The following SLIT2 variants were observed in gnomAD, a reference collection of about 807,000 sequenced individuals.
SLIT2 encodes slit homolog 2 protein.
SLIT2 carries 41 observed loss-of-function variants against 185.7 expected under a neutral mutation model. The observed-to-expected ratio is 0.22, with a 90% confidence interval of 0.17 to 0.29. The LOEUF (loss-of-function observed/expected upper bound fraction) is 0.29, where lower values mean the gene tolerates loss of function less well. Among genes scored for constraint, SLIT2 ranks in the 10% least tolerant of loss-of-function variants. The pLI is 1.00. For missense variants in SLIT2, 1,571 were observed against 1,909.0 expected (o/e 0.82, Z 3.30); for synonymous variants, 693 against 680.2 (o/e 1.02, Z -0.29).
chr4:20,479,338 C>G (rs1560461461), intron 5 of SLIT2, among the ~76,000 whole-genome samples: 1 of 152,122 alleles, frequency 6.6e-6, no homozygotes, highest in Non-Finnish European at 1.5e-5. Context: ...GTGGGAGAAA[C>G]AGCTATTTTA....
At chr4:20,539,074 C>A (rs1722572429) in intron 18 of SLIT2, among the ~76,000 whole-genome samples, 1 of 152,212 alleles carries the variant, frequency 6.6e-6, no homozygotes, top group East Asian at 1.9e-4. Context: ...TGTAATACTA[C>A]CCTGAATACA....
chr4:20,419,054 G>A (rs772245061), intron 4 of SLIT2, among the ~76,000 whole-genome samples: 3 of 152,056 alleles, frequency 2.0e-5, no homozygotes, highest in South Asian at 2.1e-4. Context: ...CCAGTAGATG[G>A]CACCATTGTG....
At chr4:20,432,783 A>T (rs1729089742) in intron 4 of SLIT2, among the ~76,000 whole-genome samples, 1 of 152,200 alleles carries the variant, frequency 6.6e-6, no homozygotes, top group South Asian at 2.1e-4. Flanking sequence ...TCTTGAATAG[A>T]TTCATTACTT....
intron 31 of SLIT2, 98 bp from the exon 32 acceptor site, chr4:20,596,317 C>A: frequency 8.8e-7 from 1 of 1,130,724 alleles, no homozygotes; most frequent in Non-Finnish European, 1.3e-6. Flanking sequence ...CAAGGAAGTG[C>A]ACATATATAA....
At chr4:20,305,558 C>G (rs1404347235) in intron 4 of SLIT2, among the ~76,000 whole-genome samples, 1 of 152,058 alleles carries the variant, frequency 6.6e-6, no homozygotes, top group Non-Finnish European at 1.5e-5. Flanking sequence ...TTAGTTATTA[C>G]TTCCTTGTAA....
chr4:20,482,644 C>T (rs538962091), intron 6 of SLIT2, among the ~76,000 whole-genome samples: 1 of 151,902 alleles, frequency 6.6e-6, no homozygotes, highest in African/African-American at 2.4e-5. Flanking sequence ...AAATAGAAAT[C>T]CAAAATCTTG....
chr4:20,573,667 T>C (rs544655561), intron 29 of SLIT2, among the ~76,000 whole-genome samples: 3 of 152,266 alleles, frequency 2.0e-5, no homozygotes, highest in South Asian at 2.1e-4. Flanking sequence ...TAGAAAAATT[T>C]TTAAGTAAGA....
At chr4:20,271,967 TAGCGGCCAA>T (rs1016617719) in intron 4 of SLIT2, among the ~76,000 whole-genome samples, 1 of 152,142 alleles carries the variant, frequency 6.6e-6, no homozygotes, top group Non-Finnish European at 1.5e-5. Flanking sequence ...TGGTTGCTGC[TAGCGGCCAA>T]ATATGCTTTT....
intron 4 of SLIT2, among the ~76,000 whole-genome samples, chr4:20,441,074 A>G (rs1194691094): frequency 6.6e-6 from 1 of 151,954 alleles, no homozygotes; most frequent in Non-Finnish European, 1.5e-5. Flanking sequence ...AAAAAAAAAA[A>G]TTCCTTCATA....
chr4:20,428,588 G>A (rs1435628870), intron 4 of SLIT2, among the ~76,000 whole-genome samples: 2 of 151,998 alleles, frequency 1.3e-5, no homozygotes, highest in African/African-American at 4.8e-5. Context: ...TCTATAATTT[G>A]GACTCAAAAG....
chr4:20,428,566 A>G (rs898615003), intron 4 of SLIT2, among the ~76,000 whole-genome samples: 2 of 152,160 alleles, frequency 1.3e-5, no homozygotes, highest in African/African-American at 4.8e-5. Flanking sequence ...TCTCACACTA[A>G]AAAGGTTGGG....
At chr4:20,412,694 A>G (rs572186148) in intron 4 of SLIT2, among the ~76,000 whole-genome samples, 38 of 152,244 alleles carry the variant, frequency 2.5e-4, no homozygotes, top group African/African-American at 8.9e-4. Flanking sequence ...TAACATAAAA[A>G]TCATGCTTTT....
At chr4:20,273,618 T>A (rs1417248623) in intron 4 of SLIT2, among the ~76,000 whole-genome samples, 1 of 152,162 alleles carries the variant, frequency 6.6e-6, no homozygotes, top group African/African-American at 2.4e-5. Flanking sequence ...TTCTCAAACA[T>A]TGAAGTGTTT....
intron 26 of SLIT2, among the ~76,000 whole-genome samples, chr4:20,558,270 T>C (rs1724425153): frequency 6.6e-6 from 1 of 151,936 alleles, no homozygotes; most frequent in African/African-American, 2.4e-5. Context: ...AAGAGTCAAT[T>C]GAGGCAGCAA....
intron 4 of SLIT2, among the ~76,000 whole-genome samples, chr4:20,341,282 G>A (rs748698078): frequency 1.2e-4 from 19 of 152,204 alleles, no homozygotes; most frequent in Non-Finnish European, 2.6e-4. Context: ...GTCCTCTGTT[G>A]TGTAAGAAAG....
At chr4:20,593,416 AT>A (rs1291149870) in intron 30 of SLIT2, among the ~76,000 whole-genome samples, 1 of 152,138 alleles carries the variant, frequency 6.6e-6, no homozygotes, top group African/African-American at 2.4e-5. Context: ...TATATGTGGA[AT>A]TTTAAAAAGT....
chr4:20,346,621 C>G (rs1577474335), intron 4 of SLIT2, among the ~76,000 whole-genome samples: 1 of 152,134 alleles, frequency 6.6e-6, no homozygotes, highest in East Asian at 1.9e-4. Flanking sequence ...AAGGTAAAGT[C>G]CCATGATAGG....
At chr4:20,284,637 A>G (rs920543119) in intron 4 of SLIT2, among the ~76,000 whole-genome samples, 2 of 152,230 alleles carry the variant, frequency 1.3e-5, no homozygotes, top group African/African-American at 2.4e-5. Context: ...TGTTCAGTCA[A>G]TATATCTAAG....
intron 4 of SLIT2, among the ~76,000 whole-genome samples, chr4:20,331,909 G>A (rs1004454660): frequency 6.6e-6 from 1 of 152,022 alleles, no homozygotes; most frequent in African/African-American, 2.4e-5. Context: ...CTTTCACTTA[G>A]CAAATATTTT....
Sources: allele counts gnomAD v4.1 joint callset (sites outside exome capture counted in the v4.1 genomes callset), GRCh38; gene constraint gnomAD v4.1.1; transcripts MANE v1.5; gene names NCBI Gene and HGNC (gene_info 2026-07-23, HGNC 2026-07-21).